The following CNTLN variants were observed in gnomAD, a reference collection of about 807,000 sequenced individuals.
CNTLN encodes centlein, centrosomal protein.
Under a neutral mutation model 180.0 loss-of-function variants are expected in CNTLN, and 212 were observed. The observed-to-expected ratio is 1.18, with a 90% CI of 1.05 to 1.32. The LOEUF is 1.32. Among genes scored for constraint, CNTLN ranks in the 40% most tolerant of loss-of-function variants. CNTLN has a pLI of 0.00. For missense variants in CNTLN, 2,095 were observed against 1,610.9 expected (o/e 1.30, Z -5.14); for synonymous variants, 722 against 563.1 (o/e 1.28, Z -3.99).
intron 6 of CNTLN, among the ~76,000 whole-genome samples, chr9:17,295,091 C>T (rs1467638650): frequency 1.3e-5 from 2 of 152,046 alleles, no homozygotes; most frequent in East Asian, 3.9e-4. Flanking sequence ...AAGCCCCTCA[C>T]TGCCGGGCTG....
At chr9:17,491,928 A>C (rs1696944867) in intron 25 of CNTLN, among the ~76,000 whole-genome samples, 2 of 141,074 alleles carry the variant, frequency 1.4e-5, no homozygotes, top group South Asian at 4.2e-4. Flanking sequence ...AGGTTAACTG[A>C]AAGTTTCTCC....
chr9:17,456,913 C>A (rs561237051), intron 18 of CNTLN, among the ~76,000 whole-genome samples: 15 of 152,070 alleles, frequency 9.9e-5, no homozygotes, highest in Non-Finnish European at 2.1e-4. Flanking sequence ...ATTAAAAATT[C>A]AAAATGTAAG....
chr9:17,165,987 AT>A (rs1820044663), intron 2 of CNTLN, among the ~76,000 whole-genome samples: 1 of 152,222 alleles, frequency 6.6e-6, no homozygotes. Flanking sequence ...ATCCAACATC[AT>A]TTTTAGTTCC....
chr9:17,384,121 T>TA (rs1825489316), intron 13 of CNTLN, among the ~76,000 whole-genome samples: 1 of 152,090 alleles, frequency 6.6e-6, no homozygotes, highest in Non-Finnish European at 1.5e-5. Context: ...AAGAGGGTGT[T>TA]ACACATGGCT....
chr9:17,275,316 T>C (rs10810743), intron 6 of CNTLN, among the ~76,000 whole-genome samples: 36,574 of 152,042 alleles, frequency 0.24, 4,692 homozygotes, highest in South Asian at 0.37. Context: ...CACCCATTTA[T>C]TGTAGTTTTA....
At chr9:17,285,255 T>C (rs1351218944) in intron 6 of CNTLN, among the ~76,000 whole-genome samples, 2 of 149,402 alleles carry the variant, frequency 1.3e-5, no homozygotes, top group East Asian at 4.1e-4. Context: ...ATATGCCGTG[T>C]TTGGTTTTTT....
intron 8 of CNTLN, among the ~76,000 whole-genome samples, chr9:17,328,709 G>A (rs1413990487): frequency 6.6e-6 from 1 of 152,018 alleles, no homozygotes; most frequent in Non-Finnish European, 1.5e-5. Flanking sequence ...TATGCAAAAT[G>A]CCTCTGTTGG....
chr9:17,295,206 C>T lies in CNTLN; in HGVS notation c.984-2984C>T, dbSNP rs1817790326. On this transcript the variant is annotated intron_variant, in intron 6 of 25. Coordinates refer to ENST00000380647, the MANE Select transcript of CNTLN (RefSeq NM_017738.4). ...ACGCAGCCCCAGTTCCCGCCCACGCCTGTCCCTCCACACCTCCCTGCAAGC... is the reference window on the plus strand; with the variant it reads ...ACGCAGCCCCAGTTCCCGCCCACGCTTGTCCCTCCACACCTCCCTGCAAGC... Among the ~76,000 whole-genome samples the T allele has an allele frequency of 5.3e-5, 8 of 152,206 alleles. No individual in the cohort carries two copies. In the South Asian group the frequency reaches 1.7e-3, roughly 31 times the overall value.
chr9:17,383,357 A>G (rs1166553303), intron 13 of CNTLN, among the ~76,000 whole-genome samples: 1 of 143,122 alleles, frequency 7.0e-6, no homozygotes, highest in Non-Finnish European at 1.5e-5. Flanking sequence ...TGTCTCTACC[A>G]AAAAAAAAAA....
chr9:17,512,442 C>G, the CNTLN span, among the ~76,000 whole-genome samples: 112 of 152,236 alleles, frequency 7.4e-4, no homozygotes, highest in Non-Finnish European at 9.8e-4. Context: ...ACCACATGTT[C>G]TCACTTTATA....
At chr9:17,475,789 C>T (rs576553762) in intron 23 of CNTLN, among the ~76,000 whole-genome samples, 2 of 149,914 alleles carry the variant, frequency 1.3e-5, no homozygotes, top group South Asian at 2.1e-4. Flanking sequence ...AAGAGAATGG[C>T]GTGAACCCGG....
At chr9:17,375,344 T>A (rs1824669497) in intron 13 of CNTLN, among the ~76,000 whole-genome samples, 1 of 152,182 alleles carries the variant, frequency 6.6e-6, no homozygotes, top group South Asian at 2.1e-4. Context: ...AAATAAGACC[T>A]GGCGTTTGCT....
chr9:17,386,952 C>G (rs1825729001), intron 13 of CNTLN, among the ~76,000 whole-genome samples: 1 of 152,100 alleles, frequency 6.6e-6, no homozygotes, highest in South Asian at 2.1e-4. Flanking sequence ...TGTTAGGGGA[C>G]TAGAAGAAGA....
At chr9:17,480,360 A>G (rs201924763) in intron 23 of CNTLN, among the ~76,000 whole-genome samples, 44 of 2,538 alleles carry the variant, frequency 0.017, no homozygotes, top group Admixed American at 0.034. Flanking sequence ...ATTAATGGCA[A>G]AAAAAAAAAA....
At position 17,253,667 on chromosome 9, in the gene CNTLN, G is replaced by C. The variant is rs77728672; in HGVS notation, c.849+17079G>C. Among the ~76,000 whole-genome samples, 12 of 150,820 alleles carry C rather than the reference G, an allele frequency of 8.0e-5. No individual in the cohort carries two copies. The East Asian group carries it at 2.3e-3, about 29-fold the overall frequency. On this transcript the variant is annotated intron_variant, in intron 5 of 25. Coordinates refer to ENST00000380647, the MANE Select transcript of CNTLN (RefSeq NM_017738.4). ...TATCAGTTCTGGAGTTTTTCTGGTA[G>C]AGTCATTAAAAAAAGAAAAAGATGT...
At chr9:17,139,985 G>T (rs376893452) in intron 1 of CNTLN, among the ~76,000 whole-genome samples, 1 of 152,212 alleles carries the variant, frequency 6.6e-6, no homozygotes, top group East Asian at 1.9e-4. Flanking sequence ...GTGAGCTACC[G>T]CACCTGGCCA....
intron 15 of CNTLN, among the ~76,000 whole-genome samples, chr9:17,396,782 C>A (rs923912997): frequency 6.6e-6 from 1 of 152,122 alleles, no homozygotes; most frequent in Admixed American, 6.6e-5. Context: ...ATCCAATGTG[C>A]AGACAAGTTT....
At chr9:17,180,521 A>G (rs1244341721) in intron 2 of CNTLN, among the ~76,000 whole-genome samples, 1 of 151,588 alleles carries the variant, frequency 6.6e-6, no homozygotes, top group African/African-American at 2.4e-5. Flanking sequence ...CACATTTAGA[A>G]CCACATAAGA....
intron 18 of CNTLN, among the ~76,000 whole-genome samples, chr9:17,435,080 G>T (rs1829682235): frequency 6.6e-6 from 1 of 152,150 alleles, no homozygotes; most frequent in African/African-American, 2.4e-5. Context: ...TGTATTGCAA[G>T]ATAATATTTT....
Sources: gnomAD v4.1 joint callset for allele counts (sites outside exome capture counted in the v4.1 genomes callset) on GRCh38, gnomAD v4.1.1 for gene constraint, MANE v1.5 for transcripts, NCBI Gene and HGNC (gene_info 2026-07-23, HGNC 2026-07-21) for gene names.